Variants in PRKAR2B observed in about 807,000 individuals in gnomAD.
The protein encoded by PRKAR2B is cAMP-dependent protein kinase type II-beta regulatory subunit.
A neutral mutation model predicts 49.9 loss-of-function variants in PRKAR2B; 14 were observed. The ratio of observed to expected loss-of-function variants is 0.28; its 90% CI spans 0.19 to 0.44. PRKAR2B has a LOEUF of 0.44. Ranked by LOEUF, PRKAR2B falls within the 20% of genes least tolerant of loss-of-function variation. The pLI is 1.00. For synonymous variants in PRKAR2B, 196 were observed against 197.7 expected, an observed-to-expected ratio of 0.99 and a Z score of 0.07; for missense variants, 393 against 537.9, an observed-to-expected ratio of 0.73 and a Z score of 2.67.
At chr7:107,070,418 CTTTA>C in intron 2 of PRKAR2B, 102 bp downstream of exon 2, 4 of 997,546 alleles carry the variant, frequency 4.0e-6, no homozygotes, top group Non-Finnish European at 5.9e-6. Context: ...TATAGTAAAC[CTTTA>C]TTTGTCAGTT....
chr7:107,142,388 T>C (rs1319362773), intron 5 of PRKAR2B, among the ~76,000 whole-genome samples: 3 of 152,132 alleles, frequency 2.0e-5, no homozygotes, highest in Non-Finnish European at 4.4e-5. Flanking sequence ...TAATGATTTT[T>C]ATATCATTAA....
At position 107,139,631 on chromosome 7, in the gene PRKAR2B, C is replaced by T. The variant is rs924789218; in HGVS notation, c.481-1216C>T. Among the ~76,000 whole-genome samples the T allele has an allele frequency of 4.6e-5, 7 of 152,198 alleles. No homozygotes were observed. In the East Asian group the frequency reaches 5.8e-4, roughly 13 times the overall value. ...CCTCCACACTGCAGTCTCACCTGTG[C>T]GACTTGGGGCAGCTCTCTCTGCCAC... On this transcript the variant is annotated intron_variant, in intron 4 of 10. Coordinates refer to ENST00000265717, the MANE Select transcript of PRKAR2B (RefSeq NM_002736.3).
intron 2 of PRKAR2B, among the ~76,000 whole-genome samples, chr7:107,074,264 T>C (rs7808028): frequency 0.75 from 112,842 of 151,300 alleles, 43,085 homozygotes; most frequent in African/African-American, 0.93. Flanking sequence ...CCACCATGCC[T>C]GGCTAATTTT....
intron 9 of PRKAR2B, 56 bp downstream of exon 9, chr7:107,157,105 C>A: frequency 1.2e-6 from 2 of 1,607,114 alleles, no homozygotes. Context: ...CACAACAGAT[C>A]TACTTTTTGA....
At position 107,061,760 on chromosome 7, in the gene PRKAR2B, G is replaced by A. The variant is rs367771203; in HGVS notation, c.308-8521G>A. 2.3e-3 allele frequency among the ~76,000 whole-genome samples: 353 copies of A among 152,190 alleles called. 2 individuals are homozygous for A. Among genetic ancestry groups the A allele is most frequent in the African/African-American group, 8.1e-3 (336 of 41,526 alleles). On this transcript the variant is annotated intron_variant, in intron 1 of 10. Coordinates refer to ENST00000265717, the MANE Select transcript of PRKAR2B (RefSeq NM_002736.3). ...CTCCACTAAAAATACAGAAATTAGT[G>A]GTGGCACATGCCTTTAATCCCAGCT...
At chr7:107,091,360 G>T (rs541901361) in intron 2 of PRKAR2B, among the ~76,000 whole-genome samples, 1 of 152,334 alleles carries the variant, frequency 6.6e-6, no homozygotes, top group African/African-American at 2.4e-5. Flanking sequence ...TATAGCTTGT[G>T]CTTGAGTCCT....
At chr7:107,113,525 G>C (rs912013007) in intron 2 of PRKAR2B, among the ~76,000 whole-genome samples, 1 of 152,130 alleles carries the variant, frequency 6.6e-6, no homozygotes, top group Non-Finnish European at 1.5e-5. Context: ...AGTACAAGTT[G>C]ATCCACTTAC....
intron 1 of PRKAR2B, among the ~76,000 whole-genome samples, chr7:107,056,499 T>C (rs1408243291): frequency 6.6e-6 from 1 of 152,216 alleles, no homozygotes; most frequent in African/African-American, 2.4e-5. Context: ...CATTGAGCAG[T>C]GGTTTGTAGT....
At chr7:107,062,218 A>G (rs1794039670) in intron 1 of PRKAR2B, among the ~76,000 whole-genome samples, 1 of 152,230 alleles carries the variant, frequency 6.6e-6, no homozygotes, top group Non-Finnish European at 1.5e-5. Flanking sequence ...GGTTGTAAAC[A>G]TATGCTTTTA....
chr7:107,112,205 CA>C (rs1215036281), intron 2 of PRKAR2B, among the ~76,000 whole-genome samples: 1 of 136,448 alleles, frequency 7.3e-6, no homozygotes, highest in Non-Finnish European at 1.6e-5. Context: ...AAAAAAGAAC[CA>C]AAAACCAAAC....
intron 10 of PRKAR2B, among the ~76,000 whole-genome samples, chr7:107,158,410 T>C (rs1389875944): frequency 6.6e-6 from 1 of 152,216 alleles, no homozygotes; most frequent in Non-Finnish European, 1.5e-5. Flanking sequence ...AATTCCTTCT[T>C]GTCCTTTTTA....
chr7:107,062,923 T>C (rs922792396), intron 1 of PRKAR2B, among the ~76,000 whole-genome samples: 3 of 152,196 alleles, frequency 2.0e-5, no homozygotes, highest in Admixed American at 1.3e-4. Flanking sequence ...AGCTCTAGTG[T>C]TAAAAGTCTA....
chr7:107,122,436 T>C (rs930528267), intron 3 of PRKAR2B, among the ~76,000 whole-genome samples: 1 of 152,060 alleles, frequency 6.6e-6, no homozygotes, highest in Non-Finnish European at 1.5e-5. Flanking sequence ...AATCTGTGAG[T>C]CTTCATAGTT....
rs1584446431 is a variant in PRKAR2B, at chr7:107,135,046, A to G, written c.481-5801A>G. On this transcript the variant is annotated intron_variant, in intron 4 of 10. Coordinates refer to ENST00000265717, the MANE Select transcript of PRKAR2B (RefSeq NM_002736.3). ...ATTTTAAAAAGTGAAGACAGTCTGC[A>G]GAAGATAAAATTATTTGCCAATCAT... is the stretch of plus-strand genomic sequence containing the variant. Among the ~76,000 whole-genome samples, 3 of 152,170 alleles carry G rather than the reference A, an allele frequency of 2.0e-5. No homozygotes were observed. The South Asian group carries it at 6.2e-4, about 31-fold the overall frequency.
intron 2 of PRKAR2B, among the ~76,000 whole-genome samples, chr7:107,111,150 T>C (rs932961489): frequency 6.6e-6 from 1 of 152,014 alleles, no homozygotes; most frequent in African/African-American, 2.4e-5. Context: ...AGGTCTATAG[T>C]GGTGGTGGCC....
At chr7:107,076,891 A>G (rs977111223) in intron 2 of PRKAR2B, among the ~76,000 whole-genome samples, 2 of 152,212 alleles carry the variant, frequency 1.3e-5, no homozygotes, top group African/African-American at 2.4e-5. Context: ...TTATTCCCCA[A>G]GAAATTAGTG....
intron 1 of PRKAR2B, chr7:107,066,624 A>T (rs1461966007): frequency 2.6e-5 from 4 of 152,130 alleles, no homozygotes; most frequent in African/African-American, 9.7e-5. Flanking sequence ...GCTGGAGTGC[A>T]GTGGCAGGAT....
At chr7:107,066,714 G>A (rs1292530568) in intron 1 of PRKAR2B, 2 of 151,916 alleles carry the variant, frequency 1.3e-5, no homozygotes, top group African/African-American at 4.8e-5. Flanking sequence ...GATTACAGGT[G>A]CTCACCACCA....
intron 2 of PRKAR2B, among the ~76,000 whole-genome samples, chr7:107,082,715 T>A (rs1794535776): frequency 6.6e-6 from 1 of 152,172 alleles, no homozygotes; most frequent in Non-Finnish European, 1.5e-5. Context: ...CTCTGCAGCC[T>A]CTTGAGTAGT....
Sources: allele counts gnomAD v4.1 joint callset (sites outside exome capture counted in the v4.1 genomes callset), GRCh38; gene constraint gnomAD v4.1.1; transcripts MANE v1.5; gene names NCBI Gene and HGNC (gene_info 2026-07-23, HGNC 2026-07-21).